The following ST6GAL1 variants were observed in gnomAD, a reference collection of about 807,000 sequenced individuals.
ST6GAL1 encodes beta-galactoside alpha-2,6-sialyltransferase 1.
Under a neutral mutation model 38.0 loss-of-function variants are expected in ST6GAL1, and 20 were observed. That is an observed-to-expected ratio of 0.53 (90% CI 0.37 to 0.77). The LOEUF (loss-of-function observed/expected upper bound fraction) is 0.77. ST6GAL1 is among the 30% of genes least tolerant of loss of function. ST6GAL1 has a pLI of 0.00. For missense variants in ST6GAL1, 432 were observed against 496.4 expected, an observed-to-expected ratio of 0.87 and a Z score of 1.23; for synonymous variants, 196 against 188.2, an observed-to-expected ratio of 1.04 and a Z score of -0.34.
At chr3:186,945,657 C>T (rs769627435) in intron 1 of ST6GAL1, among the ~76,000 whole-genome samples, 1 of 152,032 alleles carries the variant, frequency 6.6e-6, no homozygotes, top group African/African-American at 2.4e-5. Context: ...TTAGGGGAGA[C>T]GTGAGGAGAT....
chr3:187,061,040 C>A (rs257101), intron 5 of ST6GAL1, among the ~76,000 whole-genome samples: 122,325 of 152,116 alleles, frequency 0.8, 49,313 homozygotes, highest in South Asian at 0.85. Flanking sequence ...AAGTCAACAC[C>A]CAAAAAATAT....
At chr3:186,985,706 T>G (rs1468911588) in intron 2 of ST6GAL1, among the ~76,000 whole-genome samples, 3 of 145,460 alleles carry the variant, frequency 2.1e-5, no homozygotes, top group Non-Finnish European at 3.0e-5. Context: ...GCCTCAGAGG[T>G]GGACGTTGCA....
intron 2 of ST6GAL1, among the ~76,000 whole-genome samples, chr3:187,000,251 A>C (rs1716571578): frequency 6.6e-6 from 1 of 152,124 alleles, no homozygotes; most frequent in Non-Finnish European, 1.5e-5. Flanking sequence ...TTTAGTGTTG[A>C]CCAAAAGTTT....
intron 1 of ST6GAL1, among the ~76,000 whole-genome samples, chr3:186,961,339 T>A (rs1385698341): frequency 2.6e-5 from 4 of 152,288 alleles, no homozygotes; most frequent in Non-Finnish European, 4.4e-5. Flanking sequence ...TTCCCTTCAC[T>A]CTAGGGTCTA....
chr3:187,047,883 T>C (rs1358102263), intron 4 of ST6GAL1, among the ~76,000 whole-genome samples: 1 of 152,040 alleles, frequency 6.6e-6, no homozygotes. Context: ...TCAGATTGGG[T>C]AATTAGAATA....
At chr3:187,036,447 C>A (rs572308867) in intron 2 of ST6GAL1, among the ~76,000 whole-genome samples, 1 of 152,186 alleles carries the variant, frequency 6.6e-6, no homozygotes, top group Non-Finnish European at 1.5e-5. Context: ...GAGACATGCA[C>A]TTGTGTGTTT....
chr3:187,065,850 T>G (rs1719090334), intron 5 of ST6GAL1, among the ~76,000 whole-genome samples: 1 of 152,348 alleles, frequency 6.6e-6, no homozygotes, highest in East Asian at 1.9e-4. Flanking sequence ...CCTTCTCTCA[T>G]TTGATCTTCA....
chr3:187,001,261 C>T (rs1716607623), intron 2 of ST6GAL1, among the ~76,000 whole-genome samples: 1 of 152,236 alleles, frequency 6.6e-6, no homozygotes, highest in Non-Finnish European at 1.5e-5. Flanking sequence ...CCATACCCTC[C>T]ACTGCACATA....
intron 5 of ST6GAL1, among the ~76,000 whole-genome samples, chr3:187,071,602 C>A (rs780410443): frequency 1.5e-4 from 23 of 151,104 alleles, no homozygotes; most frequent in South Asian, 6.3e-4. Flanking sequence ...ACAAAAAAAC[C>A]CCCAAAAAAT....
At chr3:187,019,288 G>T (rs1354267548) in intron 2 of ST6GAL1, among the ~76,000 whole-genome samples, 4 of 152,162 alleles carry the variant, frequency 2.6e-5, no homozygotes, top group Admixed American at 2.0e-4. Flanking sequence ...AAAATCTATA[G>T]CTGAATATTC....
At position 187,076,371 on chromosome 3, in the gene ST6GAL1, T is replaced by C; in HGVS notation, c.*568T>C. On this transcript the variant is annotated 3_prime_UTR_variant, in exon 8 of 8. Transcript: ENST00000169298. Reference sequence around the variant, plus strand: ...AACGTGTTCCTATCACTCTGGCTGGTTGGGCTGGTCCTTAGACTGGGTGCT... The same window carrying C: ...AACGTGTTCCTATCACTCTGGCTGGCTGGGCTGGTCCTTAGACTGGGTGCT... 1 of 159,308 alleles carries C rather than the reference T, an allele frequency of 6.3e-6. No individual in the cohort carries two copies. The highest frequency in any genetic ancestry group is 1.4e-5 in the Non-Finnish European group (1 of 73,058). 9.9% of individuals were successfully genotyped at this position (159,308 alleles called of 1,614,324 possible).
At chr3:186,967,894 C>A (rs377529052) in intron 2 of ST6GAL1, among the ~76,000 whole-genome samples, 2 of 152,212 alleles carry the variant, frequency 1.3e-5, no homozygotes, top group African/African-American at 4.8e-5. Flanking sequence ...CCTGGGGAGC[C>A]GGCACAGCCC....
intron 2 of ST6GAL1, among the ~76,000 whole-genome samples, chr3:186,988,161 G>A (rs953356621): frequency 2.0e-5 from 3 of 152,122 alleles, no homozygotes; most frequent in African/African-American, 2.4e-5. Context: ...AAAACTCTTC[G>A]ATTAGACAGT....
At position 187,043,304 on chromosome 3, in the gene ST6GAL1, G is replaced by T; in HGVS notation, c.601G>T (p.Glu201Ter). 6.2e-7 allele frequency: 1 copy of T among 1,612,996 alleles called. No homozygotes were observed. Among genetic ancestry groups the T allele is most frequent in the Middle Eastern group, 1.7e-4 (1 of 5,738 alleles). The part of the protein sequence containing the change: ...GSLKSSQLGR[E>*]IDDHDAVLRF... ...TCTGAAGTCCTCCCAACTAGGCAGA[G>T]AAATCGGTATGTTCTGGGGTTGTTC... is the stretch of plus-strand genomic sequence containing the variant. Residue 201 changes from glutamate (E) to a stop codon, truncating the protein, a stop_gained, in exon 4 of 8, where the codon GAA becomes TAA. Transcript: ENST00000169298. LOFTEE classifies it high-confidence loss of function.
intron 1 of ST6GAL1, among the ~76,000 whole-genome samples, chr3:186,962,355 C>A (rs1714964214): frequency 6.6e-6 from 1 of 152,162 alleles, no homozygotes; most frequent in African/African-American, 2.4e-5. Context: ...CCCCTCTTTC[C>A]CAAGCTTGAT....
intron 2 of ST6GAL1, among the ~76,000 whole-genome samples, chr3:187,015,971 A>T (rs1360184189): frequency 6.6e-6 from 1 of 152,248 alleles, no homozygotes. Context: ...TATCTGTGAG[A>T]TGGAAAGGAT....
At chr3:186,987,186 G>GGGAGGGAGGGAGGGAA (rs1715964114) in intron 2 of ST6GAL1, among the ~76,000 whole-genome samples, 1 of 122,160 alleles carries the variant, frequency 8.2e-6, no homozygotes, top group South Asian at 2.8e-4. Context: ...GAGACAGGGA[G>GGGAGGGAGGGAGGGAA]GGAGGGAGGG....
At chr3:186,935,195 T>C (rs1297401821) in intron 1 of ST6GAL1, among the ~76,000 whole-genome samples, 2 of 152,062 alleles carry the variant, frequency 1.3e-5, no homozygotes, top group African/African-American at 4.8e-5. Context: ...TGTCTGTCGT[T>C]TCCCCTCTTT....
chr3:187,007,856 A>T (rs1716832062), intron 2 of ST6GAL1, among the ~76,000 whole-genome samples: 1 of 152,246 alleles, frequency 6.6e-6, no homozygotes, highest in South Asian at 2.1e-4. Context: ...CAGAATAATC[A>T]GATAGAAATT....
Sources: allele counts gnomAD v4.1 joint callset (sites outside exome capture counted in the v4.1 genomes callset), GRCh38; gene constraint gnomAD v4.1.1; transcripts MANE v1.5; gene names NCBI Gene and HGNC (gene_info 2026-07-23, HGNC 2026-07-21).